GRIN2A: variants seen among roughly 807,000 people sequenced by gnomAD.
The protein encoded by GRIN2A is glutamate receptor ionotropic, NMDA 2A.
GRIN2A carries 22 observed loss-of-function variants against 113.4 expected under a neutral mutation model. That is an observed-to-expected ratio of 0.19 (90% CI 0.14 to 0.28). The LOEUF (loss-of-function observed/expected upper bound fraction) is 0.28, where lower values mean the gene tolerates loss of function less well. GRIN2A is among the 10% of genes least tolerant of loss of function. The pLI is 1.00. For synonymous variants in GRIN2A, 827 were observed against 738.4 expected (o/e 1.12, Z -1.94); for missense variants, 1,502 against 1,887.0 (o/e 0.80, Z 3.78).
intron 10 of GRIN2A, among the ~76,000 whole-genome samples, chr16:9,806,187 A>G (rs2041962128): frequency 6.6e-6 from 1 of 152,162 alleles, no homozygotes; most frequent in South Asian, 2.1e-4. Flanking sequence ...AATTTTATAA[A>G]TATTTGCTTC....
At position 10,032,849 on chromosome 16, in the gene GRIN2A, G is replaced by C. The variant is rs186417984; in HGVS notation, c.415-94298C>G. Reference sequence around the variant, plus strand: ...ACTCCTAACATAAGTCTCTGCTCATGTGAAAGAGTTCAGTGTCCTCACCCA... The same window carrying C: ...ACTCCTAACATAAGTCTCTGCTCATCTGAAAGAGTTCAGTGTCCTCACCCA... On this transcript the variant is annotated intron_variant, in intron 2 of 12. Transcript: ENST00000330684. 4.0e-3 allele frequency among the ~76,000 whole-genome samples: 602 copies of C among 152,298 alleles called. 2 individuals carry two copies. Among genetic ancestry groups the C allele is most frequent in the Non-Finnish European group, 6.8e-3 (465 of 68,024 alleles).
chr16:9,981,875 C>G (rs903853512), intron 2 of GRIN2A, among the ~76,000 whole-genome samples: 2 of 152,200 alleles, frequency 1.3e-5, no homozygotes, highest in Admixed American at 6.5e-5. Context: ...CAACCTCTGA[C>G]TCCTGTGCTC....
At chr16:10,174,569 AG>A (rs2050106794) in intron 2 of GRIN2A, among the ~76,000 whole-genome samples, 1 of 152,206 alleles carries the variant, frequency 6.6e-6, no homozygotes, top group Admixed American at 6.5e-5. Context: ...TTGAAGGGAC[AG>A]GGGAGGGAGT....
At chr16:9,898,878 C>T (rs2141508259) in intron 3 of GRIN2A, among the ~76,000 whole-genome samples, 1 of 147,516 alleles carries the variant, frequency 6.8e-6, no homozygotes, top group East Asian at 2.0e-4. Context: ...TTAGTGCTTT[C>T]TCATCTTCCA....
At chr16:10,089,307 G>A (rs2048141362) in intron 2 of GRIN2A, among the ~76,000 whole-genome samples, 1 of 152,116 alleles carries the variant, frequency 6.6e-6, no homozygotes, top group Non-Finnish European at 1.5e-5. Flanking sequence ...CTTGATTTTG[G>A]TGATGGTATC....
intron 2 of GRIN2A, among the ~76,000 whole-genome samples, chr16:10,044,160 A>C (rs1193063205): frequency 6.6e-6 from 1 of 151,580 alleles, no homozygotes. Flanking sequence ...TCCCGGTTCA[A>C]GCAATTCTCC....
chr16:9,875,715 AAAG>A (rs1227596961), intron 4 of GRIN2A, among the ~76,000 whole-genome samples: 2 of 152,226 alleles, frequency 1.3e-5, no homozygotes, highest in Non-Finnish European at 2.9e-5. Context: ...AATGTGAAAT[AAAG>A]AAAAATAATG....
intron 4 of GRIN2A, among the ~76,000 whole-genome samples, chr16:9,867,619 C>T (rs2043182296): frequency 6.6e-6 from 1 of 152,218 alleles, no homozygotes; most frequent in Non-Finnish European, 1.5e-5. Context: ...AACAGGTGCA[C>T]TGCACATAAG....
At chr16:10,091,354 A>T (rs1050706267) in intron 2 of GRIN2A, among the ~76,000 whole-genome samples, 3 of 152,092 alleles carry the variant, frequency 2.0e-5, no homozygotes, top group African/African-American at 7.2e-5. Flanking sequence ...CACATCTATA[A>T]CTTTGGAGGC....
intron 8 of GRIN2A, among the ~76,000 whole-genome samples, chr16:9,833,416 T>C (rs1319207380): frequency 6.6e-6 from 1 of 152,220 alleles, no homozygotes; most frequent in East Asian, 1.9e-4. Context: ...AGGAATGTTC[T>C]TAAACTAGAT....
chr16:9,880,020 C>A (rs966303993), intron 4 of GRIN2A, among the ~76,000 whole-genome samples: 1 of 152,104 alleles, frequency 6.6e-6, no homozygotes. Flanking sequence ...TCAAACTTAC[C>A]CATTTGAAAC....
chr16:10,165,876 C>T (rs1567344238), intron 2 of GRIN2A, among the ~76,000 whole-genome samples: 1 of 152,016 alleles, frequency 6.6e-6, no homozygotes, highest in Non-Finnish European at 1.5e-5. Flanking sequence ...AAACCAATAG[C>T]AAATTTGTTT....
intron 4 of GRIN2A, among the ~76,000 whole-genome samples, chr16:9,890,308 G>C (rs1276034910): frequency 6.6e-6 from 1 of 152,174 alleles, no homozygotes; most frequent in Non-Finnish European, 1.5e-5. Flanking sequence ...GGAGGAGGGA[G>C]GGCAACTGAA....
intron 2 of GRIN2A, among the ~76,000 whole-genome samples, chr16:9,978,953 G>T (rs1348405446): frequency 6.6e-6 from 1 of 152,132 alleles, no homozygotes; most frequent in African/African-American, 2.4e-5. Flanking sequence ...AAAAAGTAGT[G>T]CCCACATTTC....
At chr16:9,902,001 C>T (rs1454532841) in intron 3 of GRIN2A, among the ~76,000 whole-genome samples, 2 of 151,860 alleles carry the variant, frequency 1.3e-5, no homozygotes, top group East Asian at 3.9e-4. Flanking sequence ...TGAATTCTCA[C>T]CCAAAGAACT....
intron 2 of GRIN2A, among the ~76,000 whole-genome samples, chr16:10,093,914 G>A (rs2048234813): frequency 6.6e-6 from 1 of 152,194 alleles, no homozygotes; most frequent in Admixed American, 6.5e-5. Flanking sequence ...GAGAGCCCAC[G>A]TAGTGTGGTT....
intron 3 of GRIN2A, among the ~76,000 whole-genome samples, chr16:9,906,780 CT>C (rs992057403): frequency 5.3e-5 from 8 of 152,318 alleles, no homozygotes; most frequent in East Asian, 1.9e-4. Flanking sequence ...TCATTTTGCA[CT>C]TTTTTGTGCC....
At chr16:9,809,114 CAT>C (rs59898683) in intron 10 of GRIN2A, among the ~76,000 whole-genome samples, 49,568 of 151,860 alleles carry the variant, frequency 0.33, 8,941 homozygotes, top group African/African-American at 0.48. Context: ...TCTGTGTGGA[CAT>C]ATATTAATAT....
intron 2 of GRIN2A, among the ~76,000 whole-genome samples, chr16:10,110,946 A>C (rs185216633): frequency 6.6e-6 from 1 of 152,236 alleles, no homozygotes; most frequent in African/African-American, 2.4e-5. Context: ...TCTGCTATTC[A>C]GGGATGTATG....
Sources: allele counts gnomAD v4.1 joint callset (sites outside exome capture counted in the v4.1 genomes callset), GRCh38; gene constraint gnomAD v4.1.1; transcripts MANE v1.5; gene names NCBI Gene and HGNC (gene_info 2026-07-23, HGNC 2026-07-21).